The following CSMD1 variants were observed in gnomAD, a reference collection of about 807,000 sequenced individuals.
CSMD1 encodes the protein CUB and sushi domain-containing protein 1.
A neutral mutation model predicts 417.5 loss-of-function variants in CSMD1; 213 were observed. The ratio of observed to expected loss-of-function variants is 0.51; its 90% confidence interval spans 0.46 to 0.57. The LOEUF is 0.57. Ranked by LOEUF, CSMD1 falls within the 20% of genes least tolerant of loss-of-function variation. CSMD1 has a pLI of 0.00. For synonymous variants in CSMD1, 2,862 were observed against 1,736.8 expected, an observed-to-expected ratio of 1.65 and a Z score of -16.11; for missense variants, 6,923 against 4,529.7, an observed-to-expected ratio of 1.53 and a Z score of -15.17.
chr8:3,880,382 T>C (rs1172061786), intron 5 of CSMD1, among the ~76,000 whole-genome samples: 1 of 152,230 alleles, frequency 6.6e-6, no homozygotes, highest in Non-Finnish European at 1.5e-5. Context: ...CAAATTGCCA[T>C]ATAAATGAAC....
At chr8:3,886,492 T>G (rs1018638854) in intron 5 of CSMD1, among the ~76,000 whole-genome samples, 19 of 152,362 alleles carry the variant, frequency 1.2e-4, no homozygotes, top group African/African-American at 4.6e-4. Flanking sequence ...ATACGGTCTC[T>G]GTCACACTAC....
Position 4,395,488 on chromosome 8 carries a change from A to G in CSMD1, c.415+24465T>C, listed in dbSNP as rs867378079. Reference sequence around the variant, plus strand: ...GATTACTGTTTCGATGAAGAATACAAATCTCCACCCCTCACTCCCTACACC... The same window carrying G: ...GATTACTGTTTCGATGAAGAATACAGATCTCCACCCCTCACTCCCTACACC... On this transcript the variant is annotated intron_variant, in intron 3 of 69. Transcript: ENST00000635120. Among the ~76,000 whole-genome samples the G allele has an allele frequency of 3.9e-5, 6 of 152,036 alleles. 1 individual carries two copies. The highest frequency in any genetic ancestry group is 6.8e-3 in the Middle Eastern group (2 of 294).
intron 4 of CSMD1, among the ~76,000 whole-genome samples, chr8:4,010,723 C>T (rs866606207): frequency 1.3e-5 from 2 of 152,114 alleles, no homozygotes; most frequent in Non-Finnish European, 2.9e-5. Context: ...CTATCATGTC[C>T]TCATCTCTTG....
At chr8:4,441,499 G>C (rs551920354) in intron 2 of CSMD1, among the ~76,000 whole-genome samples, 5 of 151,938 alleles carry the variant, frequency 3.3e-5, no homozygotes, top group East Asian at 1.9e-4. Flanking sequence ...ATTTTACAGA[G>C]AGAGAATGCA....
At chr8:3,334,159 A>T (rs1807088954) in intron 23 of CSMD1, among the ~76,000 whole-genome samples, 1 of 152,184 alleles carries the variant, frequency 6.6e-6, no homozygotes, top group South Asian at 2.1e-4. Context: ...GAAGAAAATG[A>T]CATCAACCTT....
At chr8:4,008,013 GTTTA>G (rs1191893813) in intron 4 of CSMD1, among the ~76,000 whole-genome samples, 3 of 152,178 alleles carry the variant, frequency 2.0e-5, no homozygotes, top group African/African-American at 7.2e-5. Flanking sequence ...TCCATAAGAG[GTTTA>G]TTTGTGTGTT....
chr8:4,616,837 G>C (rs181638854), intron 2 of CSMD1, among the ~76,000 whole-genome samples: 1 of 152,048 alleles, frequency 6.6e-6, no homozygotes, highest in Non-Finnish European at 1.5e-5. Context: ...TGGTCTTCTG[G>C]GCTTATTCAT....
intron 1 of CSMD1, among the ~76,000 whole-genome samples, chr8:4,897,811 G>A (rs967960705): frequency 6.6e-6 from 1 of 152,098 alleles, no homozygotes; most frequent in Non-Finnish European, 1.5e-5. Context: ...AGAAGAGACA[G>A]AGACTTAAAT....
chr8:4,283,478 G>T (rs1011250580), intron 3 of CSMD1, among the ~76,000 whole-genome samples: 2 of 152,054 alleles, frequency 1.3e-5, no homozygotes, highest in South Asian at 2.1e-4. Context: ...CTCCCACTTT[G>T]TACCAATATA....
intron 3 of CSMD1, among the ~76,000 whole-genome samples, chr8:4,052,904 C>T (rs76754903): frequency 0.015 from 2,301 of 152,178 alleles, 54 homozygotes; most frequent in East Asian, 0.089. Context: ...CAATGCCAGA[C>T]GTACTGAACT....
chr8:4,761,325 TAA>T (rs1389606751), intron 1 of CSMD1, among the ~76,000 whole-genome samples: 7 of 152,226 alleles, frequency 4.6e-5, no homozygotes, highest in African/African-American at 1.7e-4. Context: ...AAACAAAATG[TAA>T]AAGTCAATTT....
At chr8:3,243,771 CATTT>C (rs1458406172) in intron 26 of CSMD1, among the ~76,000 whole-genome samples, 1 of 150,196 alleles carries the variant, frequency 6.7e-6, no homozygotes, top group Non-Finnish European at 1.5e-5. Flanking sequence ...TAAACAATAT[CATTT>C]ATATATAATA....
intron 28 of CSMD1, among the ~76,000 whole-genome samples, chr8:3,223,083 G>C (rs1798308566): frequency 6.6e-6 from 1 of 152,136 alleles, no homozygotes; most frequent in Non-Finnish European, 1.5e-5. Flanking sequence ...TCTAAAGTTA[G>C]AAAACATCTT....
At chr8:4,904,441 T>C (rs183428908) in intron 1 of CSMD1, among the ~76,000 whole-genome samples, 15 of 152,252 alleles carry the variant, frequency 9.9e-5, no homozygotes, top group Non-Finnish European at 2.1e-4. Flanking sequence ...AACTAGCTAT[T>C]TGAAGAGGTA....
chr8:3,252,205 A>G (rs1045358283), intron 26 of CSMD1, among the ~76,000 whole-genome samples: 1 of 152,200 alleles, frequency 6.6e-6, no homozygotes, highest in Non-Finnish European at 1.5e-5. Context: ...GGTTTGTCAT[A>G]GATAGCTCTT....
intron 4 of CSMD1, among the ~76,000 whole-genome samples, chr8:4,025,771 T>G (rs1393648148): frequency 6.6e-6 from 1 of 152,176 alleles, no homozygotes; most frequent in Non-Finnish European, 1.5e-5. Flanking sequence ...GTTCCCTGTT[T>G]AAGGGACACA....
At chr8:3,177,788 T>C (rs1821037064) in intron 37 of CSMD1, among the ~76,000 whole-genome samples, 1 of 152,206 alleles carries the variant, frequency 6.6e-6, no homozygotes, top group Admixed American at 6.5e-5. Context: ...TGGCCAGCAG[T>C]AAGATCCATC....
chr8:3,534,447 T>A lies in CSMD1; in HGVS notation c.1344+40498A>T, dbSNP rs1302347011. Among the ~76,000 whole-genome samples, 13 of 151,294 alleles carry A rather than the reference T, an allele frequency of 8.6e-5. 1 individual carries two copies. Among genetic ancestry groups the A allele is most frequent in the Non-Finnish European group, 7.4e-5 (5 of 67,952 alleles). ...GTTTTGGGCAAAGTGCCTATCAGCATGTGAGGATCACACTTATGACACCCT... is the reference window on the plus strand; with the variant it reads ...GTTTTGGGCAAAGTGCCTATCAGCAAGTGAGGATCACACTTATGACACCCT... On this transcript the variant is annotated intron_variant, in intron 10 of 69. Transcript: ENST00000635120.
chr8:3,912,208 C>T (rs1354320641), intron 5 of CSMD1, among the ~76,000 whole-genome samples: 1 of 152,132 alleles, frequency 6.6e-6, no homozygotes, highest in African/African-American at 2.4e-5. Context: ...CGTTTTCTAA[C>T]TCTGATTCGA....
Sources: gnomAD v4.1 joint callset for allele counts (sites outside exome capture counted in the v4.1 genomes callset) on GRCh38, gnomAD v4.1.1 for gene constraint, MANE v1.5 for transcripts, NCBI Gene and HGNC (gene_info 2026-07-23, HGNC 2026-07-21) for gene names.